The following SHB variants were observed in gnomAD, a reference collection of about 807,000 sequenced individuals.
SHB encodes the protein SH2 domain containing adaptor protein B, also known as SH2 domain-containing adapter protein B.
SHB carries 20 observed loss-of-function variants against 52.3 expected under a neutral mutation model. The observed-to-expected ratio is 0.38, with a 90% CI of 0.27 to 0.56. The LOEUF is 0.56. Among genes scored for constraint, SHB ranks in the 20% least tolerant of loss-of-function variants. SHB has a pLI of 0.71. For synonymous variants in SHB, 397 were observed against 316.5 expected (o/e 1.25, Z -2.70); for missense variants, 825 against 723.3 (o/e 1.14, Z -1.61).
At position 38,068,501 on chromosome 9, in the gene SHB, A is replaced by T; in HGVS notation, c.145T>A (p.Ser49Thr). ...QPPQAVPQAS[S>T]AASASCGPAT... ...GGACCGCAGGACGCCGAGGCGGCGG[A>T]GGAGGCCTGCGGCACGGCCTGGGGG... Residue 49 changes from serine to threonine, a missense_variant, in exon 1 of 6, where the codon TCC becomes ACC. Physicochemically the swap from Ser to Thr is moderately conservative, Grantham distance 58. Coordinates refer to ENST00000377707, the MANE Select transcript of SHB (RefSeq NM_003028.3). The T allele has an allele frequency of 6.7e-7, 1 of 1,492,956 alleles. No homozygotes were observed. The allele number at this position is 1,492,956 out of a possible 1,614,324, so 92.5% of individuals were successfully genotyped here. A position where few individuals can be genotyped will look rare whatever the true frequency, so the allele number is the denominator to read the frequency against.
intron 2 of SHB, among the ~76,000 whole-genome samples, chr9:37,984,888 G>T (rs1820784752): frequency 6.6e-6 from 1 of 152,146 alleles, no homozygotes; most frequent in African/African-American, 2.4e-5. Flanking sequence ...AGGGTGAGTG[G>T]CATGGAAGAG....
chr9:38,044,538 T>C (rs917134845), intron 1 of SHB, among the ~76,000 whole-genome samples: 34 of 152,232 alleles, frequency 2.2e-4, no homozygotes, highest in African/African-American at 7.2e-4. Context: ...TGGTAATTAC[T>C]AACTGTTTTT....
rs1044097635 is a variant in SHB at position 38,013,929 on chromosome 9, T to C, written c.838+2082A>G. 7.2e-5 allele frequency among the ~76,000 whole-genome samples: 11 copies of C among 152,234 alleles called. 1 individual carries two copies. Among genetic ancestry groups the C allele is most frequent in the Admixed American group, 4.6e-4 (7 of 15,286 alleles). On this transcript the variant is annotated intron_variant, in intron 2 of 5. Transcript: ENST00000377707. ...AACCTCTCAGTTTCCCTCAGCCTCA[T>C]GATGAAGAAACATAATGAGGCTTAA...
At chr9:37,974,423 A>G (rs1177802197) in intron 3 of SHB, among the ~76,000 whole-genome samples, 199 bp downstream of exon 3, 1 of 152,154 alleles carries the variant, frequency 6.6e-6, no homozygotes, top group African/African-American at 2.4e-5. Context: ...CCAGACCCAG[A>G]ATTTCTCCTC....
intron 3 of SHB, among the ~76,000 whole-genome samples, chr9:37,968,898 ATGTGGGACTC>A (rs1820562069): frequency 1.3e-5 from 2 of 152,076 alleles, no homozygotes; most frequent in Non-Finnish European, 2.9e-5. Context: ...ACTCTATGGT[ATGTGGGACTC>A]TATGGTATAC....
chr9:37,954,996 T>G (rs1832612332), intron 4 of SHB, among the ~76,000 whole-genome samples: 1 of 152,020 alleles, frequency 6.6e-6, no homozygotes, highest in African/African-American at 2.4e-5. Flanking sequence ...ACTTGGCCAC[T>G]GACTGGAGGT....
chr9:37,933,210 C>T (rs1832333321), intron 5 of SHB, among the ~76,000 whole-genome samples: 1 of 152,150 alleles, frequency 6.6e-6, no homozygotes, highest in Non-Finnish European at 1.5e-5. Flanking sequence ...CCCAATAGTT[C>T]TTGGGAATCT....
intron 2 of SHB, among the ~76,000 whole-genome samples, chr9:38,009,613 A>G (rs964028584): frequency 6.6e-6 from 1 of 152,240 alleles, no homozygotes; most frequent in Non-Finnish European, 1.5e-5. Flanking sequence ...CGTCTTTAAC[A>G]TGATAAACCC....
intron 1 of SHB, among the ~76,000 whole-genome samples, chr9:38,041,581 GGAA>G (rs143681540): frequency 2.9e-3 from 446 of 152,256 alleles, no homozygotes; most frequent in African/African-American, 1.0e-2. Context: ...GTGAGTTCGG[GGAA>G]GAAAAGGGAG....
chr9:37,963,557 G>C (rs372581401), intron 3 of SHB, among the ~76,000 whole-genome samples: 5 of 152,172 alleles, frequency 3.3e-5, no homozygotes, highest in Non-Finnish European at 7.3e-5. Flanking sequence ...CCAAGGCCTT[G>C]CACAGTCCCT....
At chr9:37,969,309 C>G (rs1170050570) in intron 3 of SHB, among the ~76,000 whole-genome samples, 1 of 152,166 alleles carries the variant, frequency 6.6e-6, no homozygotes, top group African/African-American at 2.4e-5. Flanking sequence ...CAGCCATGGG[C>G]TGGGCCCCCA....
At chr9:37,947,236 G>C (rs1055347339) in intron 5 of SHB, among the ~76,000 whole-genome samples, 1 of 152,202 alleles carries the variant, frequency 6.6e-6, no homozygotes, top group Non-Finnish European at 1.5e-5. Flanking sequence ...TGCCCTACCC[G>C]CTAGGCTAGA....
chr9:37,989,997 G>A (rs1206411976), intron 2 of SHB, among the ~76,000 whole-genome samples: 1 of 152,158 alleles, frequency 6.6e-6, no homozygotes, highest in African/African-American at 2.4e-5. Flanking sequence ...TTTTGTGCTG[G>A]AAGAAACGAG....
intron 1 of SHB, 122 bp downstream of exon 1, chr9:38,067,807 C>G: frequency 1.8e-6 from 2 of 1,121,948 alleles, no homozygotes; most frequent in Non-Finnish European, 2.4e-6. Context: ...GCACGCCAGC[C>G]CCGACCCAGG....
At chr9:38,052,070 G>A (rs1821758131) in intron 1 of SHB, among the ~76,000 whole-genome samples, 1 of 152,112 alleles carries the variant, frequency 6.6e-6, no homozygotes, top group Non-Finnish European at 1.5e-5. Context: ...ACTTTACATG[G>A]CTTCTTTCTA....
At chr9:37,951,193 A>T (rs1832562819) in intron 4 of SHB, among the ~76,000 whole-genome samples, 1 of 152,242 alleles carries the variant, frequency 6.6e-6, no homozygotes, top group East Asian at 1.9e-4. Flanking sequence ...CAAGTGGTGG[A>T]CAGTCCAGGC....
intron 1 of SHB, among the ~76,000 whole-genome samples, chr9:38,036,218 C>T (rs1229314536): frequency 2.0e-5 from 3 of 152,192 alleles, no homozygotes; most frequent in Admixed American, 6.5e-5. Flanking sequence ...ACATTCGCCC[C>T]GACCCACTCT....
intron 1 of SHB, among the ~76,000 whole-genome samples, chr9:38,060,320 A>G (rs1418463036): frequency 2.0e-5 from 3 of 152,084 alleles, no homozygotes; most frequent in East Asian, 1.9e-4. Flanking sequence ...GATTACAGAC[A>G]TGTGCCAACA....
rs1047109007 is a variant in SHB, at chr9:37,974,985, C to A, written c.839-148G>T. On this transcript the variant is annotated intron_variant, in intron 2 of 5. Coordinates refer to ENST00000377707, the MANE Select transcript of SHB (RefSeq NM_003028.3). ...GACCCCTGTCTGGGTTTTACCCACC[C>A]CACCAACCCCCAGTGCCGCGTCTCT... 8.6e-6 allele frequency: 6 copies of A among 701,476 alleles called. No individual in the cohort carries two copies. The African/African-American group carries it at 1.1e-4, about 13-fold the overall frequency. 43.5% of individuals were successfully genotyped at this position (701,476 alleles called of 1,614,324 possible). A position where few individuals can be genotyped will look rare whatever the true frequency, so the allele number is the denominator to read the frequency against.
Sources: allele counts gnomAD v4.1 joint callset (sites outside exome capture counted in the v4.1 genomes callset), GRCh38; gene constraint gnomAD v4.1.1; transcripts MANE v1.5; gene names NCBI Gene and HGNC (gene_info 2026-07-23, HGNC 2026-07-21).